FOCAD: variants seen among roughly 807,000 people sequenced by gnomAD.
FOCAD encodes KIAA1797.
FOCAD carries 198 observed loss-of-function variants against 225.6 expected under a neutral mutation model. The ratio of observed to expected loss-of-function variants is 0.88; its 90% confidence interval spans 0.78 to 0.99. The LOEUF (loss-of-function observed/expected upper bound fraction) is 0.99. Among genes scored for constraint, FOCAD ranks in the 50% least tolerant of loss-of-function variants. The pLI, the probability that FOCAD is intolerant of heterozygous loss-of-function variation, is 0.00. For synonymous variants in FOCAD, 897 were observed against 755.0 expected (o/e 1.19, Z -3.08); for missense variants, 2,713 against 2,123.6 (o/e 1.28, Z -5.46).
intron 8 of FOCAD, among the ~76,000 whole-genome samples, chr9:20,777,979 A>G (rs1323617910): frequency 1.3e-5 from 2 of 149,092 alleles, no homozygotes; most frequent in African/African-American, 5.0e-5. Context: ...AGTCCCAGCT[A>G]CTCGGGAGGC....
chr9:20,949,744 A>G lies in FOCAD; in HGVS notation c.3948+69A>G, dbSNP rs374957425. ...CCTTTGTTGTCTTTTTTTCTATTACATGATACAACATGTTTTACCTGGAAA... is the reference window on the plus strand; with the variant it reads ...CCTTTGTTGTCTTTTTTTCTATTACGTGATACAACATGTTTTACCTGGAAA... On this transcript the variant is annotated intron_variant, in intron 33 of 43. Transcript: ENST00000338382. The G allele has an allele frequency of 1.6e-5, 20 of 1,247,296 alleles. No homozygotes were observed. In the African/African-American group the frequency reaches 2.2e-4, roughly 14 times the overall value. 77.3% of individuals were successfully genotyped at this position (1,247,296 alleles called of 1,614,324 possible). A position where few individuals can be genotyped will look rare whatever the true frequency, so the allele number is the denominator to read the frequency against.
chr9:20,827,789 G>A (rs1227184910), intron 15 of FOCAD, among the ~76,000 whole-genome samples: 1 of 152,066 alleles, frequency 6.6e-6, no homozygotes, highest in Non-Finnish European at 1.5e-5. Flanking sequence ...ATACAAAATG[G>A]AAGGTATGTA....
intron 21 of FOCAD, among the ~76,000 whole-genome samples, chr9:20,898,317 TTC>T (rs1832274319): frequency 6.6e-6 from 1 of 151,872 alleles, no homozygotes. Context: ...CAAACATTTC[TTC>T]TGTTTTTTTT....
intron 2 of FOCAD, among the ~76,000 whole-genome samples, chr9:20,674,342 T>C (rs1822164654): frequency 6.6e-6 from 1 of 152,196 alleles, no homozygotes. Context: ...CCCAACTCCA[T>C]ATGGAAATTG....
Position 20,960,219 on chromosome 9 carries a change from A to G in FOCAD, c.4132+7154A>G, listed in dbSNP as rs1838576574. Among the ~76,000 whole-genome samples the G allele has an allele frequency of 2.6e-5, 4 of 152,138 alleles. No individual in the cohort carries two copies. In the South Asian group the frequency reaches 8.3e-4, roughly 31 times the overall value. On this transcript the variant is annotated intron_variant, in intron 35 of 43. Coordinates refer to ENST00000338382, the MANE Select transcript of FOCAD (RefSeq NM_001375567.1). ...CAGTTAGTTTATACAATGCTCTTTAATTTGGGTTTGCCTGATATTTCTCAT... is the reference window on the plus strand; with the variant it reads ...CAGTTAGTTTATACAATGCTCTTTAGTTTGGGTTTGCCTGATATTTCTCAT...
At chr9:20,780,554 G>A (rs1473863386) in intron 9 of FOCAD, among the ~76,000 whole-genome samples, 1 of 152,178 alleles carries the variant, frequency 6.6e-6, no homozygotes, top group Non-Finnish European at 1.5e-5. Flanking sequence ...AGGAAGAACT[G>A]TGGGGAAAGA....
chr9:20,671,700 A>G (rs1195478706), intron 2 of FOCAD, among the ~76,000 whole-genome samples: 1 of 152,232 alleles, frequency 6.6e-6, no homozygotes, highest in Non-Finnish European at 1.5e-5. Context: ...GCAAATGATT[A>G]TGCTCCTGGC....
intron 39 of FOCAD, 23 bp from the exon 40 acceptor site, chr9:20,986,265 A>ACTTTTTTTTTTTTTTTTTTTT (rs762071895): frequency 2.2e-6 from 1 of 456,876 alleles, no homozygotes; most frequent in Non-Finnish European, 2.9e-6. Context: ...GTAACTAAAC[A>ACTTTTTTTTTTTTTTTTTTTT]ATTTTTTTTT....
At chr9:20,865,505 G>T (rs922418304) in intron 16 of FOCAD, among the ~76,000 whole-genome samples, 1 of 151,986 alleles carries the variant, frequency 6.6e-6, no homozygotes, top group African/African-American at 2.4e-5. Context: ...TGAAAAAAAC[G>T]CAGTCACTGC....
intron 1 of FOCAD, among the ~76,000 whole-genome samples, chr9:20,706,094 C>T (rs1440207800): frequency 1.3e-5 from 2 of 151,800 alleles, no homozygotes; most frequent in African/African-American, 2.4e-5. Flanking sequence ...GCCACCATAC[C>T]CGGCTAATTT....
chr9:20,980,193 T>A (rs1200104628), intron 37 of FOCAD, among the ~76,000 whole-genome samples: 1 of 151,944 alleles, frequency 6.6e-6, no homozygotes, highest in Non-Finnish European at 1.5e-5. Flanking sequence ...AATATGAATT[T>A]TTTTATGTCT....
At chr9:20,659,300 C>G (rs549480194) in intron 2 of FOCAD, among the ~76,000 whole-genome samples, 1 of 145,176 alleles carries the variant, frequency 6.9e-6, no homozygotes, top group Non-Finnish European at 1.5e-5. Context: ...CCAGCTAATT[C>G]GGAGGCTGAG....
At chr9:20,796,976 T>C (rs181021257) in intron 11 of FOCAD, among the ~76,000 whole-genome samples, 1 of 152,344 alleles carries the variant, frequency 6.6e-6, no homozygotes, top group East Asian at 1.9e-4. Context: ...TTAATCCATC[T>C]AGAATTAATT....
At chr9:20,918,949 CCCTTT>C (rs1441360612) in intron 24 of FOCAD, among the ~76,000 whole-genome samples, 1 of 152,180 alleles carries the variant, frequency 6.6e-6, no homozygotes, top group East Asian at 1.9e-4. Context: ...AGCTTAGCTT[CCCTTT>C]CCTTAGCTAC....
In FOCAD at chr9:20,988,443, G is replaced by A. The variant is rs770184397; in HGVS notation, c.5004+14G>A. On this transcript the variant is annotated intron_variant, in intron 41 of 43. Coordinates refer to ENST00000338382, the MANE Select transcript of FOCAD (RefSeq NM_001375567.1). ...GCTCTTGACAAGGTAAAATCTAGAG[G>A]AGTAGTTTATAGCTTCCTTAAAATA... 2 of 1,422,566 alleles carry A rather than the reference G, an allele frequency of 1.4e-6. No homozygotes were observed. Among genetic ancestry groups the A allele is most frequent in the South Asian group, 2.3e-5 (2 of 85,478 alleles). The allele number at this position is 1,422,566 out of a possible 1,614,324, so 88.1% of individuals were successfully genotyped here. A position where few individuals can be genotyped will look rare whatever the true frequency, so the allele number is the denominator to read the frequency against.
intron 28 of FOCAD, among the ~76,000 whole-genome samples, chr9:20,939,150 CAAAAAA>C (rs565280892): frequency 1.4e-5 from 1 of 72,498 alleles, no homozygotes; most frequent in African/African-American, 5.2e-5. Context: ...ACTCTCTTCT[CAAAAAA>C]AAAAAAAAAA....
intron 27 of FOCAD, among the ~76,000 whole-genome samples, chr9:20,932,466 C>T (rs1249433234): frequency 6.6e-6 from 1 of 152,062 alleles, no homozygotes; most frequent in Non-Finnish European, 1.5e-5. Flanking sequence ...CTCACCCAGG[C>T]ATTTATAAAA....
intron 2 of FOCAD, among the ~76,000 whole-genome samples, chr9:20,667,701 A>C (rs375814379): frequency 6.6e-6 from 1 of 152,122 alleles, no homozygotes; most frequent in African/African-American, 2.4e-5. Flanking sequence ...CATGGTCACT[A>C]TTGTGACAGG....
At chr9:20,886,338 G>C (rs1331162614) in intron 21 of FOCAD, among the ~76,000 whole-genome samples, 1 of 151,846 alleles carries the variant, frequency 6.6e-6, no homozygotes, top group Non-Finnish European at 1.5e-5. Flanking sequence ...TGTTTTTTTT[G>C]TCCCTGGCAT....
Sources: allele counts gnomAD v4.1 joint callset (sites outside exome capture counted in the v4.1 genomes callset), GRCh38; gene constraint gnomAD v4.1.1; transcripts MANE v1.5; gene names NCBI Gene and HGNC (gene_info 2026-07-23, HGNC 2026-07-21).